Variants in GRIP1 observed in about 807,000 individuals in gnomAD.
The protein encoded by GRIP1 is glutamate receptor-interacting protein 1.
Under a neutral mutation model 129.9 loss-of-function variants are expected in GRIP1, and 45 were observed. That is an observed-to-expected ratio of 0.35 (90% confidence interval 0.27 to 0.44). The LOEUF (loss-of-function observed/expected upper bound fraction) is 0.44. Ranked by LOEUF, GRIP1 falls within the 20% of genes least tolerant of loss-of-function variation. GRIP1 has a pLI of 1.00. For missense variants in GRIP1, 1,196 were observed against 1,396.8 expected, an observed-to-expected ratio of 0.86 and a Z score of 2.29; for synonymous variants, 530 against 520.8, an observed-to-expected ratio of 1.02 and a Z score of -0.24.
At chr12:67,037,244 C>A (rs562857594) in intron 1 of GRIP1, 1 of 151,882 alleles carries the variant, frequency 6.6e-6, no homozygotes, top group South Asian at 2.1e-4. Context: ...AGGAGAATGG[C>A]GTGAACCTGG....
chr12:66,585,410 T>C (rs1185827506), intron 2 of GRIP1, among the ~76,000 whole-genome samples: 9 of 136,890 alleles, frequency 6.6e-5, no homozygotes, highest in East Asian at 6.3e-4. Context: ...GTTTCATCCA[T>C]GTCCCTACAA....
chr12:66,616,829 G>A (rs184020566), intron 1 of GRIP1, among the ~76,000 whole-genome samples: 13 of 152,224 alleles, frequency 8.5e-5, no homozygotes, highest in Admixed American at 8.5e-4. Flanking sequence ...AGCTGTTTGA[G>A]ATTCACAGTG....
At chr12:66,416,029 A>G (rs1043791029) in intron 15 of GRIP1, among the ~76,000 whole-genome samples, 1 of 152,108 alleles carries the variant, frequency 6.6e-6, no homozygotes, top group Admixed American at 6.6e-5. Context: ...ACATTTACCT[A>G]TGTAACAAAC....
At chr12:66,355,583 C>CA (rs370256457) in intron 23 of GRIP1, among the ~76,000 whole-genome samples, 1 of 149,334 alleles carries the variant, frequency 6.7e-6, no homozygotes, top group Admixed American at 6.6e-5. Context: ...GCCCATCTAA[C>CA]ATGCTCACTG....
At chr12:66,813,258 G>C (rs1469077716) in intron 1 of GRIP1, among the ~76,000 whole-genome samples, 2 of 152,054 alleles carry the variant, frequency 1.3e-5, no homozygotes, top group African/African-American at 4.8e-5. Flanking sequence ...AAAAGGTGCC[G>C]GGCTCCTTGT....
At chr12:66,548,293 A>G (rs1357793671) in intron 2 of GRIP1, among the ~76,000 whole-genome samples, 1 of 152,222 alleles carries the variant, frequency 6.6e-6, no homozygotes, top group African/African-American at 2.4e-5. Flanking sequence ...AAAAATTCTG[A>G]GACACTAAAG....
intron 1 of GRIP1, among the ~76,000 whole-genome samples, chr12:66,965,785 G>A (rs1592402384): frequency 6.6e-6 from 1 of 152,106 alleles, no homozygotes; most frequent in Admixed American, 6.6e-5. Context: ...TGTCAGATGA[G>A]AAAGCAGCAA....
chr12:66,424,805 T>C (rs1285888751), intron 14 of GRIP1, among the ~76,000 whole-genome samples: 1 of 152,224 alleles, frequency 6.6e-6, no homozygotes, highest in Non-Finnish European at 1.5e-5. Context: ...CCAGGATATA[T>C]AAATCTTCTC....
At chr12:66,890,464 G>A (rs942721746) in intron 1 of GRIP1, among the ~76,000 whole-genome samples, 4 of 152,196 alleles carry the variant, frequency 2.6e-5, no homozygotes, top group Admixed American at 6.5e-5. Flanking sequence ...TGAAAACACT[G>A]ATGCTGTTAA....
intron 2 of GRIP1, among the ~76,000 whole-genome samples, chr12:66,571,851 C>T (rs11176273): frequency 0.37 from 56,806 of 152,018 alleles, 10,796 homozygotes; most frequent in East Asian, 0.41. Flanking sequence ...TTCCCCAGGA[C>T]AACAGGGCTC....
chr12:66,782,971 G>A (rs1282756577), intron 1 of GRIP1, among the ~76,000 whole-genome samples: 1 of 152,130 alleles, frequency 6.6e-6, no homozygotes, highest in Non-Finnish European at 1.5e-5. Flanking sequence ...TTTTAACCAA[G>A]GGGCAATACT....
At chr12:66,827,386 GT>G (rs1435404125) in intron 1 of GRIP1, among the ~76,000 whole-genome samples, 1 of 83,352 alleles carries the variant, frequency 1.2e-5, no homozygotes. Flanking sequence ...GTGTGTGTGT[GT>G]GAGAGAGAGA....
chr12:66,446,156 T>C lies in GRIP1; in HGVS notation c.1355-648A>G, dbSNP rs528373124. On this transcript the variant is annotated intron_variant, in intron 11 of 24. Coordinates refer to ENST00000359742, the MANE Select transcript of GRIP1 (RefSeq NM_001366722.1). Reference sequence around the variant, plus strand: ...AGTCCTTGCTCTTTCCCACTGGGTTTCTAGTCTAAGTTGTTGTATTTCATT... The same window carrying C: ...AGTCCTTGCTCTTTCCCACTGGGTTCCTAGTCTAAGTTGTTGTATTTCATT... Among the ~76,000 whole-genome samples, 369 of 149,284 alleles carry C rather than the reference T, an allele frequency of 2.5e-3. 1 individual carries two copies. Among genetic ancestry groups the C allele is most frequent in the African/African-American group, 8.8e-3 (353 of 40,112 alleles).
At chr12:66,370,643 G>T (rs1254493287) in intron 23 of GRIP1, among the ~76,000 whole-genome samples, 1 of 152,216 alleles carries the variant, frequency 6.6e-6, no homozygotes, top group East Asian at 1.9e-4. Context: ...TCTCAAGAAA[G>T]ATGGCATGAG....
chr12:66,592,890 T>C (rs180693478), intron 2 of GRIP1, among the ~76,000 whole-genome samples: 1 of 152,328 alleles, frequency 6.6e-6, no homozygotes, highest in East Asian at 1.9e-4. Flanking sequence ...TTAATAAACA[T>C]TGATATATGG....
At chr12:66,468,196 T>C (rs566154046) in intron 7 of GRIP1, among the ~76,000 whole-genome samples, 1 of 152,228 alleles carries the variant, frequency 6.6e-6, no homozygotes, top group African/African-American at 2.4e-5. Context: ...CAGGATGTGC[T>C]CTTAAAAAGA....
intron 1 of GRIP1, among the ~76,000 whole-genome samples, chr12:66,608,459 A>C (rs532436546): frequency 1.3e-4 from 20 of 152,262 alleles, no homozygotes. Context: ...CAGCCTACTG[A>C]GTAGCTGGGA....
At chr12:66,950,256 T>C (rs1301970059) in intron 1 of GRIP1, among the ~76,000 whole-genome samples, 1 of 152,190 alleles carries the variant, frequency 6.6e-6, no homozygotes, top group Non-Finnish European at 1.5e-5. Flanking sequence ...CAGCTAATAG[T>C]TCTCAAAATT....
At chr12:66,927,196 A>T (rs1023503367) in intron 1 of GRIP1, among the ~76,000 whole-genome samples, 2 of 152,196 alleles carry the variant, frequency 1.3e-5, no homozygotes, top group African/African-American at 4.8e-5. Flanking sequence ...CAAGTATTCA[A>T]GCCTGTGAGC....
Sources: allele counts gnomAD v4.1 joint callset (sites outside exome capture counted in the v4.1 genomes callset), GRCh38; gene constraint gnomAD v4.1.1; transcripts MANE v1.5; gene names NCBI Gene and HGNC (gene_info 2026-07-23, HGNC 2026-07-21).